Variants in ZNF804B observed in about 807,000 individuals in gnomAD.
ZNF804B encodes the protein zinc finger 804B.
Under a neutral mutation model 101.4 loss-of-function variants are expected in ZNF804B, and 80 were observed. That is an observed-to-expected ratio of 0.79 (90% CI 0.66 to 0.95). The LOEUF is 0.95. ZNF804B is among the 40% of genes least tolerant of loss of function. The probability of loss-of-function intolerance (pLI) is 0.00; values close to 1 mark genes in which losing one functional copy is unlikely to be tolerated. For synonymous variants in ZNF804B, 622 were observed against 558.8 expected (o/e 1.11, Z -1.59); for missense variants, 1,673 against 1,561.9 (o/e 1.07, Z -1.20).
At chr7:88,935,039 GTA>G (rs561519719) in intron 1 of ZNF804B, among the ~76,000 whole-genome samples, 1 of 150,310 alleles carries the variant, frequency 6.7e-6, no homozygotes, top group Admixed American at 6.6e-5. Context: ...GTGTGTGTGT[GTA>G]TATATATATA....
At chr7:89,179,812 T>C (rs1181517815) in intron 1 of ZNF804B, among the ~76,000 whole-genome samples, 1 of 152,168 alleles carries the variant, frequency 6.6e-6, no homozygotes, top group Non-Finnish European at 1.5e-5. Flanking sequence ...TCAAAGGGAA[T>C]TGTGTGTTGT....
At chr7:88,889,488 A>C (rs1792184312) in intron 1 of ZNF804B, among the ~76,000 whole-genome samples, 1 of 152,054 alleles carries the variant, frequency 6.6e-6, no homozygotes, top group Non-Finnish European at 1.5e-5. Context: ...GACTAGCATG[A>C]GTTAGTGTTT....
intron 1 of ZNF804B, among the ~76,000 whole-genome samples, chr7:89,169,172 T>C (rs1173436797): frequency 6.6e-6 from 1 of 152,074 alleles, no homozygotes; most frequent in Non-Finnish European, 1.5e-5. Flanking sequence ...ATGGCAGGTC[T>C]GTGATGGTGG....
intron 1 of ZNF804B, among the ~76,000 whole-genome samples, chr7:89,063,233 A>AAAATGGTT (rs1789404098): frequency 6.6e-6 from 1 of 152,152 alleles, no homozygotes; most frequent in Non-Finnish European, 1.5e-5. Flanking sequence ...TATCATCATG[A>AAAATGGTT]AAATGGTTAA....
At chr7:89,333,134 G>C (rs1229247895) in intron 3 of ZNF804B, among the ~76,000 whole-genome samples, 6 of 151,856 alleles carry the variant, frequency 4.0e-5, no homozygotes, top group Non-Finnish European at 7.4e-5. Flanking sequence ...TAATTCACTT[G>C]CTATTGCTTT....
Position 89,107,233 on chromosome 7 carries a change from CTT to C in ZNF804B, c.109-110918_109-110917del, listed in dbSNP as rs141523645. On this transcript the variant is annotated intron_variant, in intron 1 of 3. Transcript: ENST00000333190. ...ATTATTCTTTTGATATTTAGAATAA[CTT>C]TTTGATATCATGCATGATGATAGTT... 7.4e-3 allele frequency among the ~76,000 whole-genome samples: 1,128 copies of C among 151,694 alleles called. 9 individuals carry two copies. The highest frequency in any genetic ancestry group is 0.026 in the African/African-American group (1,087 of 41,404).
intron 1 of ZNF804B, among the ~76,000 whole-genome samples, chr7:88,858,056 C>T (rs1017263693): frequency 6.6e-6 from 1 of 152,000 alleles, no homozygotes; most frequent in African/African-American, 2.4e-5. Flanking sequence ...CTCCTGACCT[C>T]AGGTGATCTG....
At chr7:88,970,992 CA>C (rs71120047) in intron 1 of ZNF804B, among the ~76,000 whole-genome samples, 32,001 of 144,464 alleles carry the variant, frequency 0.22, 4,255 homozygotes, top group East Asian at 0.42. Flanking sequence ...AAAAAAAGAA[CA>C]AAAAAAAATA....
At chr7:88,833,176 TA>T (rs11293185) in intron 1 of ZNF804B, among the ~76,000 whole-genome samples, 74,887 of 149,900 alleles carry the variant, frequency 0.5, 20,683 homozygotes, top group East Asian at 0.81. Context: ...ATCTTCCGCT[TA>T]AAAAAAAGTA....
intron 1 of ZNF804B, among the ~76,000 whole-genome samples, chr7:89,057,379 G>T (rs957903197): frequency 2.6e-5 from 4 of 152,018 alleles, no homozygotes; most frequent in African/African-American, 7.2e-5. Flanking sequence ...TGGGGAGGGG[G>T]CAGTTTCAAG....
intron 1 of ZNF804B, among the ~76,000 whole-genome samples, chr7:89,054,850 T>G (rs1055628475): frequency 6.6e-6 from 1 of 152,004 alleles, no homozygotes; most frequent in African/African-American, 2.4e-5. Context: ...TCATCCTCAT[T>G]TTTTTCCTTT....
chr7:89,335,037 C>G lies in ZNF804B; in HGVS notation c.2055C>G (p.Thr685=), dbSNP rs750485373. The G allele has an allele frequency of 6.2e-7, 1 of 1,613,818 alleles. No individual in the cohort carries two copies. The highest frequency in any genetic ancestry group is 2.2e-5 in the East Asian group (1 of 44,828). The change falls in exon 4 of 4, where the codon ACC becomes ACG. Residue 685 remains threonine (T), a synonymous_variant. Transcript: ENST00000333190. The part of the protein sequence containing the change: ...VILKSNHISM[T]SKVSGCGNQR... ...TGAAGAGTAACCACATCAGCATGAC[C>G]AGCAAGGTTTCCGGATGTGGAAACC...
At chr7:89,032,580 A>G (rs1231524106) in intron 1 of ZNF804B, among the ~76,000 whole-genome samples, 1 of 152,084 alleles carries the variant, frequency 6.6e-6, no homozygotes, top group Non-Finnish European at 1.5e-5. Context: ...AGTCTGTCAC[A>G]TTGAGAAACA....
chr7:88,761,513 C>T (rs1789896085), intron 1 of ZNF804B, among the ~76,000 whole-genome samples: 2 of 152,166 alleles, frequency 1.3e-5, no homozygotes, highest in African/African-American at 2.4e-5. Context: ...CTCAGCAAAC[C>T]ACTTTAATGT....
chr7:89,063,328 T>A (rs1393626598), intron 1 of ZNF804B, among the ~76,000 whole-genome samples: 1 of 152,150 alleles, frequency 6.6e-6, no homozygotes, highest in Non-Finnish European at 1.5e-5. Flanking sequence ...TGAGAATAAA[T>A]TCTTTAGTCA....
intron 1 of ZNF804B, among the ~76,000 whole-genome samples, chr7:88,782,455 A>T (rs1267776708): frequency 6.6e-6 from 1 of 152,056 alleles, no homozygotes; most frequent in Admixed American, 6.6e-5. Flanking sequence ...TTATATATAT[A>T]CATATATGTA....
intron 1 of ZNF804B, among the ~76,000 whole-genome samples, chr7:89,192,390 G>A (rs1051437952): frequency 2.5e-4 from 38 of 151,844 alleles, no homozygotes; most frequent in African/African-American, 8.9e-4. Flanking sequence ...ACGGTGGTAT[G>A]TCCATACAAT....
At chr7:89,211,584 G>C (rs1788804847) in intron 1 of ZNF804B, among the ~76,000 whole-genome samples, 1 of 151,932 alleles carries the variant, frequency 6.6e-6, no homozygotes, top group Admixed American at 6.6e-5. Context: ...TCTGCATATG[G>C]CTGGCCAGTT....
chr7:88,846,933 T>TA (rs1562810386), intron 1 of ZNF804B, among the ~76,000 whole-genome samples: 2 of 116,888 alleles, frequency 1.7e-5, no homozygotes, highest in African/African-American at 5.1e-5. Flanking sequence ...TATAAATGTG[T>TA]ATACACACAC....
Sources: gnomAD v4.1 joint callset for allele counts (sites outside exome capture counted in the v4.1 genomes callset) on GRCh38, gnomAD v4.1.1 for gene constraint, MANE v1.5 for transcripts, NCBI Gene and HGNC (gene_info 2026-07-23, HGNC 2026-07-21) for gene names.